TENM1: variants seen among roughly 807,000 people sequenced by gnomAD.
TENM1 encodes the protein teneurin-1.
In TENM1, 35 loss-of-function variants were observed where a neutral mutation model predicts 174.8. The observed-to-expected ratio is 0.20, with a 90% CI of 0.15 to 0.27. The LOEUF (loss-of-function observed/expected upper bound fraction) is 0.27. Among genes scored for constraint, TENM1 ranks in the 10% least tolerant of loss-of-function variants. The pLI, the probability that TENM1 is intolerant of heterozygous loss-of-function variation, is 1.00. For missense variants in TENM1, 1,633 were observed against 2,130.1 expected, an observed-to-expected ratio of 0.77 and a Z score of 4.59; for synonymous variants, 781 against 798.7, an observed-to-expected ratio of 0.98 and a Z score of 0.37.
At chrX:124,615,509 G>A (rs944154447) in intron 11 of TENM1, among the ~76,000 whole-genome samples, 3 of 112,069 alleles carry the variant, frequency 2.7e-5, no homozygotes, top group Non-Finnish European at 5.6e-5. Flanking sequence ...TTGGCAAAGA[G>A]CATTGAAAAG....
chrX:124,972,195 T>C, the TENM1 span, among the ~76,000 whole-genome samples: 4 of 107,192 alleles, frequency 3.7e-5, no homozygotes, highest in Non-Finnish European at 7.7e-5. Flanking sequence ...ATCGTGCCAC[T>C]GCACTTCAGC....
chrX:124,484,105 A>G (rs1341000168), intron 21 of TENM1, among the ~76,000 whole-genome samples: 1 of 111,543 alleles, frequency 9.0e-6, no homozygotes, highest in African/African-American at 3.3e-5. Context: ...TTTGAGGAGT[A>G]CTGGTCAGGT....
At chrX:124,744,791 C>A (rs927112517) in intron 3 of TENM1, among the ~76,000 whole-genome samples, 71 of 111,264 alleles carry the variant, frequency 6.4e-4, no homozygotes, top group African/African-American at 2.1e-3. Flanking sequence ...TAAGAGATAT[C>A]CTGAACATTT....
intron 5 of TENM1, among the ~76,000 whole-genome samples, chrX:124,703,365 A>G (rs2052820184): frequency 8.9e-6 from 1 of 112,274 alleles, no homozygotes; most frequent in Non-Finnish European, 1.9e-5. Context: ...TTGCTGATGA[A>G]ATGAATAAAC....
chrX:125,158,401 C>CAAAAAAAAAAAAAAAA, the TENM1 span, among the ~76,000 whole-genome samples: 2 of 36,537 alleles, frequency 5.5e-5, no homozygotes, highest in African/African-American at 1.1e-4. Context: ...GAATCCATCT[C>CAAAAAAAAAAAAAAAA]AAAAAAAAAA....
chrX:124,377,625 A>G (rs2060116789), exon 32 of TENM1: 1 of 111,516 alleles, frequency 9.0e-6, no homozygotes, highest in South Asian at 3.7e-4. Context: ...AGCACAAACA[A>G]AATGGGCTTA....
chrX:125,196,013 C>CGAAGGAAGGAAGGAAGGAAGGAAG, the TENM1 span, among the ~76,000 whole-genome samples: 2 of 90,696 alleles, frequency 2.2e-5, no homozygotes, highest in African/African-American at 8.7e-5. Context: ...AAAGAAGGAA[C>CGAAGGAAGGAAGGAAGGAAGGAAG]GAAGGAAGGA....
In TENM1 at chrX:124,463,906, T is replaced by C. The variant is rs1306150464; in HGVS notation, c.3950-10415A>G. Among the ~76,000 whole-genome samples the C allele has an allele frequency of 5.6e-5, 6 of 106,517 alleles. No homozygotes were observed. The East Asian group carries it at 1.2e-3, about 21-fold the overall frequency. 92.5% of individuals were successfully genotyped at this position (106,517 alleles called of 115,157 possible). ...AGAGAGAGAGAGAGATTGGGGTAAG[T>C]AGATGGTGCTAGTTCAAGTTGAAAT... On this transcript the variant is annotated intron_variant, in intron 22 of 31. Transcript: ENST00000422452.
rs2060503986 is a variant in TENM1, at chrX:124,409,392, C to A, written c.4983-2903G>T. Among the ~76,000 whole-genome samples, 2 of 107,879 alleles carry A rather than the reference C, an allele frequency of 1.9e-5. 1 individual carries two copies. The highest frequency in any genetic ancestry group is 2.0e-4 in the Admixed American group (2 of 10,012). The allele number at this position is 107,879 out of a possible 115,157, so 93.7% of individuals were successfully genotyped here. A position where few individuals can be genotyped will look rare whatever the true frequency, so the allele number is the denominator to read the frequency against. ...CGTATCTCAAAATAATAAGAGCTAT[C>A]TATGACAAACCCACAGCCAATATCA... On this transcript the variant is annotated intron_variant, in intron 25 of 31. Transcript: ENST00000422452.
At chrX:124,450,605 T>C (rs1212854546) in intron 23 of TENM1, among the ~76,000 whole-genome samples, 1 of 112,048 alleles carries the variant, frequency 8.9e-6, no homozygotes, top group Non-Finnish European at 1.9e-5. Context: ...TTAGGTGGTA[T>C]GACAAATGAA....
chrX:125,145,718 A>G, the TENM1 span, among the ~76,000 whole-genome samples: 1 of 112,281 alleles, frequency 8.9e-6, no homozygotes, highest in Admixed American at 9.5e-5. Flanking sequence ...GGGGAAATCG[A>G]GCAGAAAACA....
At chrX:125,092,712 G>C in the TENM1 span, among the ~76,000 whole-genome samples, 3 of 111,757 alleles carry the variant, frequency 2.7e-5, no homozygotes, top group Non-Finnish European at 5.6e-5. Context: ...ATATGGAACA[G>C]AATTAAGTAA....
At chrX:125,007,046 T>C in the TENM1 span, among the ~76,000 whole-genome samples, 12 of 111,729 alleles carry the variant, frequency 1.1e-4, no homozygotes, top group South Asian at 4.1e-3. Flanking sequence ...TCGAAAGAAG[T>C]AGGCTTCAGA....
the TENM1 span, among the ~76,000 whole-genome samples, chrX:125,171,461 C>G: frequency 4.5e-5 from 5 of 110,673 alleles, no homozygotes; most frequent in East Asian, 1.1e-3. Flanking sequence ...CCCCTGCCCC[C>G]ACTCTAAATT....
chrX:125,142,831 T>C, the TENM1 span, among the ~76,000 whole-genome samples: 2 of 111,265 alleles, frequency 1.8e-5, no homozygotes, highest in East Asian at 5.7e-4. Context: ...AAAATTCTTA[T>C]CCAAAGGAAA....
chrX:124,988,095 C>T, the TENM1 span, among the ~76,000 whole-genome samples: 1 of 111,261 alleles, frequency 9.0e-6, no homozygotes, highest in East Asian at 2.8e-4. Context: ...TCGGGAAAGA[C>T]AGAGCAGTGA....
chrX:125,150,456 T>A, the TENM1 span, among the ~76,000 whole-genome samples: 1 of 111,812 alleles, frequency 8.9e-6, no homozygotes, highest in Admixed American at 9.5e-5. Context: ...CTGGCCTGGG[T>A]TAGAAGGCAC....
At chrX:125,189,461 CA>C in the TENM1 span, among the ~76,000 whole-genome samples, 16 of 112,174 alleles carry the variant, frequency 1.4e-4, no homozygotes, top group Non-Finnish European at 2.3e-4. Flanking sequence ...AGCTATTAAA[CA>C]AAGGTTACAA....
chrX:124,817,161 A>G (rs1413836535), intron 3 of TENM1, among the ~76,000 whole-genome samples: 3 of 111,013 alleles, frequency 2.7e-5, no homozygotes, highest in African/African-American at 9.9e-5. Flanking sequence ...TACTTGTGAT[A>G]GTTTGCTGAG....
Sources: gnomAD v4.1 joint callset for allele counts (sites outside exome capture counted in the v4.1 genomes callset) on GRCh38, gnomAD v4.1.1 for gene constraint, MANE v1.5 for transcripts, NCBI Gene and HGNC (gene_info 2026-07-23, HGNC 2026-07-21) for gene names.